The following MAD1L1 variants were observed in gnomAD, a reference collection of about 807,000 sequenced individuals.
MAD1L1 encodes mitotic spindle assembly checkpoint protein MAD1.
A neutral mutation model predicts 96.9 loss-of-function variants in MAD1L1; 95 were observed. That is an observed-to-expected ratio of 0.98 (90% CI 0.83 to 1.16). The LOEUF (loss-of-function observed/expected upper bound fraction) is 1.16, where lower values mean the gene tolerates loss of function less well. Among genes scored for constraint, MAD1L1 ranks in the 50% most tolerant of loss-of-function variants. MAD1L1 has a pLI of 0.00. For synonymous variants in MAD1L1, 473 were observed against 396.6 expected (o/e 1.19, Z -2.29); for missense variants, 1,007 against 954.4 (o/e 1.06, Z -0.73).
intron 11 of MAD1L1, among the ~76,000 whole-genome samples, chr7:2,095,082 G>T (rs34592519): frequency 1.3e-5 from 2 of 151,566 alleles, no homozygotes; most frequent in East Asian, 3.9e-4. Context: ...TCGCTCTGTC[G>T]CCTAGGCTGG....
chr7:2,004,192 G>A (rs1314481550), intron 13 of MAD1L1, among the ~76,000 whole-genome samples: 1 of 152,170 alleles, frequency 6.6e-6, no homozygotes, highest in Non-Finnish European at 1.5e-5. Flanking sequence ...CCCAAACAGG[G>A]GGGACGACAA....
At chr7:1,973,334 G>A (rs1327479186) in intron 15 of MAD1L1, among the ~76,000 whole-genome samples, 1 of 152,162 alleles carries the variant, frequency 6.6e-6, no homozygotes, top group Non-Finnish European at 1.5e-5. Context: ...GGGGCAGAGT[G>A]GGAGTTCTGC....
At chr7:1,896,900 G>A (rs546241780) in intron 18 of MAD1L1, among the ~76,000 whole-genome samples, 30 of 152,316 alleles carry the variant, frequency 2.0e-4, no homozygotes, top group African/African-American at 6.5e-4. Flanking sequence ...TATGGAATTC[G>A]TATAATGCAT....
Position 1,968,175 on chromosome 7 carries a change from G to A in MAD1L1, c.1506-10456C>T, listed in dbSNP as rs915029007. Among the ~76,000 whole-genome samples, 6 of 152,364 alleles carry A rather than the reference G, an allele frequency of 3.9e-5. No homozygotes were observed. The highest frequency in any genetic ancestry group is 1.9e-4 in the East Asian group (1 of 5,188). The stretch of plus-strand genomic sequence containing the variant: ...AGAAAGTGCAAACAGCTTCGCGGAC[G>A]AGGCACCCGGCAGAGCACGCCTCAA... On this transcript the variant is annotated intron_variant, in intron 15 of 18. Transcript: ENST00000265854. The surrounding 1 kb of genome is among the most constrained non-coding windows in gnomAD (Gnocchi z 5.6).
In MAD1L1 at chr7:1,823,689, G is replaced by C. The variant is rs117389567; in HGVS notation, c.1999-7461C>G. Among the ~76,000 whole-genome samples the C allele has an allele frequency of 1.7e-3, 259 of 152,298 alleles. 4 individuals are homozygous for C. The East Asian group carries it at 0.043, about 26-fold the overall frequency. On this transcript the variant is annotated intron_variant, in intron 18 of 18. Transcript: ENST00000265854. The stretch of plus-strand genomic sequence containing the variant: ...CCTGGGCACAGAGGCCGGGCCTGTG[G>C]CATCAGCGGCCATCGTGAGGGCAGA...
chr7:1,848,709 AAAC>A (rs1462076660), intron 18 of MAD1L1: 1 of 154,404 alleles, frequency 6.5e-6, no homozygotes, highest in Non-Finnish European at 1.5e-5. Context: ...CTGCTCTGGA[AAAC>A]AACTGGTCCA....
At chr7:2,061,735 C>T (rs183455031) in intron 12 of MAD1L1, among the ~76,000 whole-genome samples, 1 of 152,394 alleles carries the variant, frequency 6.6e-6, no homozygotes, top group Non-Finnish European at 1.5e-5. Flanking sequence ...CAAGAGTCAA[C>T]ACCCCCATGC....
At chr7:2,022,423 G>A (rs1782828238) in intron 12 of MAD1L1, among the ~76,000 whole-genome samples, 1 of 152,164 alleles carries the variant, frequency 6.6e-6, no homozygotes. Context: ...CCGAGGTCAG[G>A]AGTTCAAGAC....
At chr7:2,063,896 G>A (rs1013381639) in intron 12 of MAD1L1, among the ~76,000 whole-genome samples, 2 of 152,210 alleles carry the variant, frequency 1.3e-5, no homozygotes, top group Non-Finnish European at 2.9e-5. Context: ...TCCTGCAGAG[G>A]AGAAGAGACA....
At chr7:1,995,447 GGCAGTGAAGCACCT>G (rs1193377057) in intron 14 of MAD1L1, among the ~76,000 whole-genome samples, 3 of 152,248 alleles carry the variant, frequency 2.0e-5, no homozygotes, top group Non-Finnish European at 4.4e-5. Flanking sequence ...CTGAGGACCA[GGCAGTGAAGCACCT>G]GCCTGTGGCC....
intron 3 of MAD1L1, among the ~76,000 whole-genome samples, chr7:2,227,509 A>T (rs932438699): frequency 6.6e-6 from 1 of 152,042 alleles, no homozygotes; most frequent in African/African-American, 2.4e-5. Context: ...GAGGCCAGGG[A>T]AGTTGTTAAA....
chr7:2,149,073 A>AG, intron 11 of MAD1L1, 79 bp downstream of exon 11: 1 of 1,272,858 alleles, frequency 7.9e-7, no homozygotes, highest in Non-Finnish European at 1.1e-6. Flanking sequence ...CCCAAGAGCC[A>AG]GGGGGCACAC....
intron 18 of MAD1L1, among the ~76,000 whole-genome samples, chr7:1,882,316 A>G (rs2128664726): frequency 1.3e-5 from 2 of 152,338 alleles, no homozygotes; most frequent in Middle Eastern, 3.4e-3. Context: ...ACAAGATGGG[A>G]CGTGAAGTCA....
chr7:1,937,233 G>C (rs1282665597), intron 16 of MAD1L1, among the ~76,000 whole-genome samples: 2 of 152,182 alleles, frequency 1.3e-5, no homozygotes, highest in South Asian at 4.2e-4. Flanking sequence ...GCCCGGGAGG[G>C]AGGCTTCCTC....
At chr7:1,921,159 C>T (rs917393680) in intron 17 of MAD1L1, among the ~76,000 whole-genome samples, 2 of 152,198 alleles carry the variant, frequency 1.3e-5, no homozygotes, top group Non-Finnish European at 2.9e-5. Flanking sequence ...GGGTCTGAGA[C>T]GTGGTATCGG....
At chr7:1,945,854 G>A (rs747921621) in intron 16 of MAD1L1, among the ~76,000 whole-genome samples, 2 of 152,170 alleles carry the variant, frequency 1.3e-5, no homozygotes, top group Non-Finnish European at 2.9e-5. Flanking sequence ...CAGTGGGGGA[G>A]GGACCACCAG....
chr7:2,102,288 GCCACTGTCACCATCACCACCGTCACCA>G (rs1786831932), intron 11 of MAD1L1, among the ~76,000 whole-genome samples: 1 of 137,206 alleles, frequency 7.3e-6, no homozygotes, highest in Non-Finnish European at 1.6e-5. Flanking sequence ...CACCACCACC[GCCACTGTCACCATCACCACCGTCACCA>G]TCACCGCCGT....
intron 10 of MAD1L1, among the ~76,000 whole-genome samples, chr7:2,207,103 T>TAA: frequency 6.6e-6 from 1 of 151,980 alleles, no homozygotes; most frequent in Admixed American, 6.6e-5. Flanking sequence ...AAAGAAATTT[T>TAA]AGAGATCAGT....
At position 2,103,170 on chromosome 7, in the gene MAD1L1, C is replaced by T. The variant is rs1786904779; in HGVS notation, c.1074-33832G>A. ...CGGGCTCTCTCCCCTGCCCCTGCAC[C>T]CTACAAAGGGGCAGCTCCGACCACG... On this transcript the variant is annotated intron_variant, in intron 11 of 18. Coordinates refer to ENST00000265854, the MANE Select transcript of MAD1L1 (RefSeq NM_001013836.2). The surrounding 1 kb of genome is among the most constrained non-coding windows in gnomAD (Gnocchi z 4.3). Among the ~76,000 whole-genome samples, 1 of 152,198 alleles carries T rather than the reference C, an allele frequency of 6.6e-6. No individual in the cohort carries two copies. The highest frequency in any genetic ancestry group is 2.4e-5 in the African/African-American group (1 of 41,442).
Sources: allele counts gnomAD v4.1 joint callset (sites outside exome capture counted in the v4.1 genomes callset), GRCh38; gene constraint gnomAD v4.1.1; non-coding constraint Gnocchi (gnomAD v3.1); transcripts MANE v1.5; gene names NCBI Gene and HGNC (gene_info 2026-07-23, HGNC 2026-07-21).